Variants in SHISA6 observed in about 807,000 individuals in gnomAD.
SHISA6 encodes protein shisa-6.
In SHISA6, 22 loss-of-function variants were observed where a neutral mutation model predicts 47.9. The ratio of observed to expected loss-of-function variants is 0.46; its 90% CI spans 0.33 to 0.66. The LOEUF (loss-of-function observed/expected upper bound fraction) is 0.66, where lower values mean the gene tolerates loss of function less well. Ranked by LOEUF, SHISA6 falls within the 30% of genes least tolerant of loss-of-function variation. SHISA6 has a pLI of 0.02. For missense variants in SHISA6, 680 were observed against 764.6 expected (o/e 0.89, Z 1.30); for synonymous variants, 388 against 337.8 (o/e 1.15, Z -1.63).
intron 2 of SHISA6, among the ~76,000 whole-genome samples, chr17:11,374,584 CT>C (rs1280482004): frequency 1.3e-5 from 2 of 151,884 alleles, no homozygotes; most frequent in African/African-American, 4.8e-5. Flanking sequence ...AAAGTCTGGA[CT>C]TTTTTGTGAA....
intron 3 of SHISA6, among the ~76,000 whole-genome samples, chr17:11,384,243 G>A (rs184806861): frequency 7.9e-5 from 12 of 152,306 alleles, no homozygotes; most frequent in East Asian, 5.8e-4. Flanking sequence ...TCCAAGCTGC[G>A]GAGCAGCTGA....
At chr17:11,364,916 A>G (rs933819556) in intron 2 of SHISA6, among the ~76,000 whole-genome samples, 5 of 152,296 alleles carry the variant, frequency 3.3e-5, no homozygotes, top group Middle Eastern at 3.4e-3. Context: ...GTGGTATTAC[A>G]TTACAGTTAA....
At position 11,399,717 on chromosome 17, in the gene SHISA6, C is replaced by T. The variant is rs908012742; in HGVS notation, c.895+20208C>T. Among the ~76,000 whole-genome samples, 75 of 152,204 alleles carry T rather than the reference C, an allele frequency of 4.9e-4. 1 individual carries two copies. The highest frequency in any genetic ancestry group is 1.5e-3 in the African/African-American group (64 of 41,450). ...GATTACAGGCATGAGGCACTGCGCC[C>T]AGCCCATTCCCCATTTTTTTAGAGT... On this transcript the variant is annotated intron_variant, in intron 3 of 5. Transcript: ENST00000441885.
intron 2 of SHISA6, among the ~76,000 whole-genome samples, chr17:11,365,478 A>C (rs1264128008): frequency 6.6e-6 from 1 of 152,078 alleles, no homozygotes; most frequent in Non-Finnish European, 1.5e-5. Context: ...GGGTTTTACC[A>C]TGTTGGCCAG....
chr17:11,265,202 T>C (rs1222503400), intron 2 of SHISA6, among the ~76,000 whole-genome samples: 1 of 152,232 alleles, frequency 6.6e-6, no homozygotes, highest in Non-Finnish European at 1.5e-5. Context: ...ATCACATTAG[T>C]GTTTTAAACA....
At chr17:11,340,181 T>A (rs1196679359) in intron 2 of SHISA6, among the ~76,000 whole-genome samples, 1 of 152,256 alleles carries the variant, frequency 6.6e-6, no homozygotes, top group Non-Finnish European at 1.5e-5. Flanking sequence ...ATGGGTGCTC[T>A]GGGGAATTTG....
At chr17:11,495,050 C>T (rs2071397019) in intron 3 of SHISA6, among the ~76,000 whole-genome samples, 1 of 152,126 alleles carries the variant, frequency 6.6e-6, no homozygotes. Flanking sequence ...ATGGGACTTC[C>T]AGGGCAAAAA....
chr17:11,359,258 A>G (rs1001489062), intron 2 of SHISA6, among the ~76,000 whole-genome samples: 3 of 152,054 alleles, frequency 2.0e-5, no homozygotes, highest in African/African-American at 7.2e-5. Context: ...ATTGTCTTCT[A>G]TCATCTCATT....
intron 3 of SHISA6, among the ~76,000 whole-genome samples, chr17:11,495,113 T>G (rs1436815647): frequency 6.6e-6 from 1 of 152,108 alleles, no homozygotes; most frequent in Non-Finnish European, 1.5e-5. Context: ...CCCCAGTAGA[T>G]TTCTCAGAGC....
Position 11,560,739 on chromosome 17 carries a change from G to C in SHISA6, c.*2435G>C, listed in dbSNP as rs1377605653. 3 of 152,178 alleles carry C rather than the reference G, an allele frequency of 2.0e-5. No homozygotes were observed. Among genetic ancestry groups the C allele is most frequent in the African/African-American group, 4.8e-5 (2 of 41,430 alleles). The allele number at this position is 152,178 out of a possible 1,614,324, so 9.4% of individuals were successfully genotyped here. On this transcript the variant is annotated 3_prime_UTR_variant, in exon 6 of 6. Coordinates refer to ENST00000441885, the MANE Select transcript of SHISA6 (RefSeq NM_207386.4). ...AAGCCCTGTCTCTGACAGGGTTTCT[G>C]TCTCTCTCAGGGGTTGTTGATGAGT...
intron 3 of SHISA6, among the ~76,000 whole-genome samples, chr17:11,456,654 G>A (rs1252430037): frequency 2.6e-5 from 4 of 152,294 alleles, no homozygotes; most frequent in South Asian, 4.1e-4. Flanking sequence ...TTGAGGCCAC[G>A]CTGTCGGAGG....
chr17:11,468,382 C>T (rs1169131884), intron 3 of SHISA6, among the ~76,000 whole-genome samples: 4 of 151,850 alleles, frequency 2.6e-5, no homozygotes, highest in Admixed American at 2.0e-4. Context: ...CAAGCAGGGA[C>T]GGAATCAACC....
intron 4 of SHISA6, 129 bp from the exon 5 acceptor site, chr17:11,555,611 T>C (rs1567638189): frequency 3.8e-6 from 4 of 1,063,576 alleles, no homozygotes; most frequent in Non-Finnish European, 5.2e-6. Context: ...GAGTCAATAG[T>C]ATCACCTATG....
At chr17:11,467,826 A>T (rs559313779) in intron 3 of SHISA6, among the ~76,000 whole-genome samples, 1 of 152,310 alleles carries the variant, frequency 6.6e-6, no homozygotes, top group African/African-American at 2.4e-5. Flanking sequence ...ATAAGCCTCC[A>T]TTCAGATAAT....
At position 11,303,407 on chromosome 17, in the gene SHISA6, GTC is replaced by G. The variant is rs1909995150; in HGVS notation, c.799+39883_799+39884del. On this transcript the variant is annotated intron_variant, in intron 2 of 5. Transcript: ENST00000441885. ...TGAGTGTGGTTGTGTGTGTGATTGTGTCTGGTTGTGAGCATGTGTGTGTGGTT... is the reference window on the plus strand; with the variant it reads ...TGAGTGTGGTTGTGTGTGTGATTGTGTGGTTGTGAGCATGTGTGTGTGGTT... 2.0e-5 allele frequency among the ~76,000 whole-genome samples: 3 copies of G among 151,874 alleles called. No individual in the cohort carries two copies. In the South Asian group the frequency reaches 6.2e-4, roughly 32 times the overall value.
chr17:11,286,438 C>T (rs1293801946), intron 2 of SHISA6, among the ~76,000 whole-genome samples: 2 of 152,204 alleles, frequency 1.3e-5, no homozygotes, highest in African/African-American at 2.4e-5. Context: ...GGGAAGCCCT[C>T]TGTGGTACAT....
chr17:11,487,289 C>A (rs1364621629), intron 3 of SHISA6, among the ~76,000 whole-genome samples: 2 of 152,188 alleles, frequency 1.3e-5, no homozygotes, highest in African/African-American at 4.8e-5. Context: ...TCTCCTCCTG[C>A]ATCAGGCATC....
intron 1 of SHISA6, among the ~76,000 whole-genome samples, chr17:11,255,490 G>A (rs1299864390): frequency 3.3e-5 from 5 of 152,220 alleles, no homozygotes; most frequent in Non-Finnish European, 7.3e-5. Context: ...TGCTCAAGCT[G>A]TGAATACCTT....
intron 3 of SHISA6, among the ~76,000 whole-genome samples, chr17:11,384,546 A>G (rs1913131282): frequency 6.6e-6 from 1 of 152,224 alleles, no homozygotes; most frequent in Non-Finnish European, 1.5e-5. Flanking sequence ...CCTGGTTGAA[A>G]AAGCCAGAGA....
Sources: allele counts gnomAD v4.1 joint callset (sites outside exome capture counted in the v4.1 genomes callset), GRCh38; gene constraint gnomAD v4.1.1; transcripts MANE v1.5; gene names NCBI Gene and HGNC (gene_info 2026-07-23, HGNC 2026-07-21).